KLF12: variants seen among roughly 807,000 people sequenced by gnomAD.
The protein encoded by KLF12 is KLF transcription factor 12.
In KLF12, 9 loss-of-function variants were observed where a neutral mutation model predicts 37.8. That is an observed-to-expected ratio of 0.24 (90% confidence interval 0.14 to 0.42). The LOEUF (loss-of-function observed/expected upper bound fraction) is 0.42. Ranked by LOEUF, KLF12 falls within the 10% of genes least tolerant of loss-of-function variation. KLF12 has a pLI of 1.00. For synonymous variants in KLF12, 208 were observed against 202.1 expected, an observed-to-expected ratio of 1.03 and a Z score of -0.25; for missense variants, 411 against 516.0, an observed-to-expected ratio of 0.80 and a Z score of 1.97.
At chr13:74,227,099 CTT>C in the KLF12 span, among the ~76,000 whole-genome samples, 13 of 152,240 alleles carry the variant, frequency 8.5e-5, no homozygotes, top group Admixed American at 7.9e-4. Context: ...TTCTTTGACT[CTT>C]TTATTTCCAA....
intron 3 of KLF12, among the ~76,000 whole-genome samples, chr13:73,871,554 G>A (rs933944238): frequency 1.1e-4 from 17 of 152,186 alleles, no homozygotes; most frequent in African/African-American, 3.1e-4. Context: ...TACAAACGGA[G>A]TCCAGTCCCA....
intron 2 of KLF12, among the ~76,000 whole-genome samples, chr13:73,975,232 T>A (rs2138137522): frequency 6.6e-6 from 1 of 152,338 alleles, no homozygotes; most frequent in East Asian, 1.9e-4. Flanking sequence ...CGTTCTACTG[T>A]ATAGAATGAG....
chr13:74,299,160 A>C, the KLF12 span, among the ~76,000 whole-genome samples: 14 of 152,206 alleles, frequency 9.2e-5, no homozygotes, highest in Non-Finnish European at 1.9e-4. Context: ...CGGTTCAATA[A>C]ATAGCAGCAT....
At chr13:73,748,780 G>A (rs1430030892) in intron 6 of KLF12, among the ~76,000 whole-genome samples, 1 of 152,174 alleles carries the variant, frequency 6.6e-6, no homozygotes, top group East Asian at 1.9e-4. Context: ...GGAAATGATA[G>A]TGAAGAGTTT....
At chr13:74,150,818 C>T in the KLF12 span, among the ~76,000 whole-genome samples, 1 of 152,076 alleles carries the variant, frequency 6.6e-6, no homozygotes, top group African/African-American at 2.4e-5. Context: ...AGTGTGGATA[C>T]ACTAGATAAA....
At chr13:74,125,492 G>A (rs1022557694) in intron 1 of KLF12, among the ~76,000 whole-genome samples, 12 of 152,086 alleles carry the variant, frequency 7.9e-5, no homozygotes, top group African/African-American at 1.7e-4. Context: ...AGCTAAATAC[G>A]TGTAAGTCAA....
At chr13:74,143,532 C>T in the KLF12 span, among the ~76,000 whole-genome samples, 49 of 152,272 alleles carry the variant, frequency 3.2e-4, no homozygotes, top group African/African-American at 1.1e-3. Flanking sequence ...ATTTAATCTT[C>T]GTGGAATCCT....
chr13:73,903,029 G>A (rs947842401), intron 3 of KLF12, among the ~76,000 whole-genome samples: 1 of 152,136 alleles, frequency 6.6e-6, no homozygotes, highest in Non-Finnish European at 1.5e-5. Context: ...TCCTGTATGT[G>A]GCACTGATAA....
At chr13:73,849,780 A>T (rs1885233630) in intron 3 of KLF12, among the ~76,000 whole-genome samples, 1 of 152,208 alleles carries the variant, frequency 6.6e-6, no homozygotes, top group Non-Finnish European at 1.5e-5. Context: ...TTCTCATGGC[A>T]GTGTCAACTA....
chr13:74,025,500 G>T (rs1326393803), intron 1 of KLF12, among the ~76,000 whole-genome samples: 1 of 151,628 alleles, frequency 6.6e-6, no homozygotes, highest in Admixed American at 6.6e-5. Context: ...TCTTAGTTTC[G>T]CTACAAGTGG....
At chr13:74,241,640 T>C in the KLF12 span, among the ~76,000 whole-genome samples, 2 of 152,166 alleles carry the variant, frequency 1.3e-5, no homozygotes, top group Admixed American at 1.3e-4. Context: ...AGGTGCCGGA[T>C]ATAATCTCGT....
chr13:73,754,689 A>T (rs190136356), intron 6 of KLF12, among the ~76,000 whole-genome samples: 38 of 152,270 alleles, frequency 2.5e-4, no homozygotes, highest in African/African-American at 8.7e-4. Context: ...AAAAAATGCA[A>T]AAACCCACCC....
At chr13:74,014,219 CTG>C (rs1892626199) in intron 1 of KLF12, among the ~76,000 whole-genome samples, 1 of 152,192 alleles carries the variant, frequency 6.6e-6, no homozygotes, top group Non-Finnish European at 1.5e-5. Context: ...CCCTGGAACA[CTG>C]TATTTCAGCA....
At chr13:73,764,318 C>T (rs560693877) in intron 6 of KLF12, among the ~76,000 whole-genome samples, 36 of 151,504 alleles carry the variant, frequency 2.4e-4, no homozygotes, top group African/African-American at 8.2e-4. Flanking sequence ...TTTGTTGTTT[C>T]GCATGAAATA....
intron 3 of KLF12, among the ~76,000 whole-genome samples, chr13:73,914,501 A>G (rs1184577886): frequency 6.6e-6 from 1 of 152,078 alleles, no homozygotes; most frequent in Non-Finnish European, 1.5e-5. Flanking sequence ...TTTTTCATTA[A>G]GAAACAAACA....
chr13:74,087,271 A>T (rs1397728110), intron 1 of KLF12, among the ~76,000 whole-genome samples: 1 of 152,172 alleles, frequency 6.6e-6, no homozygotes, highest in Non-Finnish European at 1.5e-5. Context: ...TATGTGACCG[A>T]ACGTCGACAC....
chr13:74,085,363 C>G (rs1257549724), intron 1 of KLF12, among the ~76,000 whole-genome samples: 1 of 152,158 alleles, frequency 6.6e-6, no homozygotes, highest in East Asian at 1.9e-4. Context: ...ATGACAATGT[C>G]AAAGCCTAAC....
the KLF12 span, among the ~76,000 whole-genome samples, chr13:74,213,583 C>T: frequency 6.6e-6 from 1 of 151,118 alleles, no homozygotes; most frequent in Admixed American, 6.6e-5. Flanking sequence ...TCCCTCCTTT[C>T]CTCCCTCCCT....
chr13:74,189,623 C>CT, the KLF12 span, among the ~76,000 whole-genome samples: 2 of 152,196 alleles, frequency 1.3e-5, no homozygotes, highest in Admixed American at 1.3e-4. Flanking sequence ...CGTGGAAGAT[C>CT]TGCCTTTCAC....
Sources: gnomAD v4.1 joint callset for allele counts (sites outside exome capture counted in the v4.1 genomes callset) on GRCh38, gnomAD v4.1.1 for gene constraint, MANE v1.5 for transcripts, NCBI Gene and HGNC (gene_info 2026-07-23, HGNC 2026-07-21) for gene names.